Variants in NUP210L observed in about 807,000 individuals in gnomAD.
NUP210L encodes nuclear pore membrane glycoprotein 210-like.
A neutral mutation model predicts 208.5 loss-of-function variants in NUP210L; 74 were observed. The ratio of observed to expected loss-of-function variants is 0.35; its 90% confidence interval spans 0.29 to 0.43. The LOEUF is 0.43. Ranked by LOEUF, NUP210L falls within the 20% of genes least tolerant of loss-of-function variation. NUP210L has a pLI of 1.00. For synonymous variants in NUP210L, 780 were observed against 816.9 expected, an observed-to-expected ratio of 0.95 and a Z score of 0.77; for missense variants, 1,843 against 2,289.4, an observed-to-expected ratio of 0.81 and a Z score of 3.98.
chr1:154,129,197 G>A (rs762588180), intron 8 of NUP210L, 80 bp downstream of exon 8: 4 of 797,788 alleles, frequency 5.0e-6, no homozygotes, highest in Non-Finnish European at 8.3e-6. Flanking sequence ...GTTGAAAGTT[G>A]AAGAAATGCT....
At chr1:154,115,633 A>T (rs71626801) in intron 12 of NUP210L, among the ~76,000 whole-genome samples, 1 of 152,098 alleles carries the variant, frequency 6.6e-6, no homozygotes, top group Non-Finnish European at 1.5e-5. Context: ...TAAATATCTC[A>T]CATATCATTT....
intron 2 of NUP210L, among the ~76,000 whole-genome samples, chr1:154,147,265 T>C (rs1382288013): frequency 6.6e-6 from 1 of 152,196 alleles, no homozygotes; most frequent in East Asian, 1.9e-4. Context: ...TGTGGGTTTT[T>C]TCCCTGAAAA....
intron 33 of NUP210L, among the ~76,000 whole-genome samples, chr1:154,013,087 A>G (rs3001367): frequency 1 from 146,782 of 147,402 alleles, 73,097 homozygotes; most frequent in Middle Eastern, 1. Context: ...AAAAAAAGAC[A>G]GGGTCTCACT....
intron 32 of NUP210L, among the ~76,000 whole-genome samples, chr1:154,021,224 G>A (rs1295279606): frequency 2.0e-5 from 3 of 152,208 alleles, no homozygotes; most frequent in African/African-American, 7.2e-5. Context: ...ACAGGCATGG[G>A]CCACCGCACC....
intron 2 of NUP210L, among the ~76,000 whole-genome samples, chr1:154,152,335 C>T (rs369050601): frequency 2.0e-5 from 3 of 151,652 alleles, no homozygotes; most frequent in African/African-American, 7.2e-5. Flanking sequence ...CCACGCCCGG[C>T]TAATTTTTTT....
chr1:154,099,731 C>A (rs759117609), intron 14 of NUP210L, among the ~76,000 whole-genome samples: 1 of 152,116 alleles, frequency 6.6e-6, no homozygotes, highest in Non-Finnish European at 1.5e-5. Context: ...ATATTTTATA[C>A]CTCAGTAAAA....
At chr1:154,083,090 G>A (rs752332076) in intron 16 of NUP210L, among the ~76,000 whole-genome samples, 6 of 152,194 alleles carry the variant, frequency 3.9e-5, no homozygotes, top group African/African-American at 1.2e-4. Flanking sequence ...AAGACCAAAT[G>A]AACAAATATT....
chr1:154,007,870 G>A (rs1266280577), intron 35 of NUP210L, among the ~76,000 whole-genome samples: 5 of 149,008 alleles, frequency 3.4e-5, no homozygotes, highest in African/African-American at 1.2e-4. Flanking sequence ...CACTGCGCCC[G>A]GCCTTATTTA....
Position 154,024,645 on chromosome 1 carries a change from C to T in NUP210L, c.4122+897G>A, listed in dbSNP as rs138634637. Among the ~76,000 whole-genome samples the T allele has an allele frequency of 2.6e-5, 4 of 151,906 alleles. No homozygotes were observed. The East Asian group carries it at 7.8e-4, about 29-fold the overall frequency. ...TTCGTGTGATCCTCCACCTCAGCCT[C>T]CCAAGCAGCTAGGACTGCAGACATG... On this transcript the variant is annotated intron_variant, in intron 30 of 39. Transcript: ENST00000368559.
At chr1:154,070,525 T>C in intron 16 of NUP210L, 60 bp from the exon 17 acceptor site, 3 of 1,121,784 alleles carry the variant, frequency 2.7e-6, no homozygotes, top group Non-Finnish European at 2.4e-6. Flanking sequence ...TAAGGGGTAG[T>C]AAGATATCTC....
intron 2 of NUP210L, among the ~76,000 whole-genome samples, chr1:154,148,760 G>A (rs537309065): frequency 6.6e-4 from 100 of 152,102 alleles, no homozygotes; most frequent in African/African-American, 2.3e-3. Flanking sequence ...AATAATTAAA[G>A]ACAAAGACAT....
intron 10 of NUP210L, 86 bp downstream of exon 10, chr1:154,126,237 A>T (rs1657968650): frequency 8.9e-7 from 1 of 1,120,924 alleles, no homozygotes; most frequent in African/African-American, 1.6e-5. Context: ...AAGGTGGTAT[A>T]TGCTATATAT....
chr1:154,030,911 T>A (rs531869983), intron 27 of NUP210L, among the ~76,000 whole-genome samples: 4 of 151,904 alleles, frequency 2.6e-5, no homozygotes, highest in South Asian at 2.1e-4. Context: ...CCAGCTAATT[T>A]AAAAAAAATT....
intron 12 of NUP210L, among the ~76,000 whole-genome samples, chr1:154,105,325 A>G (rs1656695206): frequency 6.6e-6 from 1 of 152,166 alleles, no homozygotes; most frequent in Non-Finnish European, 1.5e-5. Flanking sequence ...CCCTGTCTCT[A>G]CTAAAAATAC....
intron 2 of NUP210L, among the ~76,000 whole-genome samples, chr1:154,151,884 T>C (rs1659402216): frequency 6.6e-6 from 1 of 150,906 alleles, no homozygotes; most frequent in Non-Finnish European, 1.5e-5. Flanking sequence ...AGGTCGGGAG[T>C]TTGAGACCAG....
chr1:154,064,315 A>G (rs1362639607), intron 17 of NUP210L, among the ~76,000 whole-genome samples: 2 of 152,090 alleles, frequency 1.3e-5, no homozygotes, highest in Non-Finnish European at 2.9e-5. Flanking sequence ...TGAATGGGAC[A>G]TCAGCGAATG....
At chr1:154,085,846 A>C (rs757528691) in intron 16 of NUP210L, among the ~76,000 whole-genome samples, 9 of 152,246 alleles carry the variant, frequency 5.9e-5, no homozygotes, top group Non-Finnish European at 1.0e-4. Flanking sequence ...AAGAGTGCCA[A>C]GACAACTCAA....
At chr1:154,020,711 G>T (rs1322100552) in intron 32 of NUP210L, among the ~76,000 whole-genome samples, 2 of 151,900 alleles carry the variant, frequency 1.3e-5, no homozygotes, top group African/African-American at 4.8e-5. Context: ...ATTTTTAGTA[G>T]AGACGGGGTT....
intron 17 of NUP210L, 148 bp downstream of exon 17, chr1:154,070,125 A>G: frequency 1.6e-6 from 1 of 612,606 alleles, no homozygotes; most frequent in Non-Finnish European, 2.8e-6. Flanking sequence ...GGGTGCAGCA[A>G]ACCAACATGG....
Sources: allele counts gnomAD v4.1 joint callset (sites outside exome capture counted in the v4.1 genomes callset), GRCh38; gene constraint gnomAD v4.1.1; transcripts MANE v1.5; gene names NCBI Gene and HGNC (gene_info 2026-07-23, HGNC 2026-07-21).